Variants in WWOX observed in about 807,000 individuals in gnomAD.
WWOX encodes WW domain-containing oxidoreductase.
A neutral mutation model predicts 46.2 loss-of-function variants in WWOX; 69 were observed. The observed-to-expected ratio is 1.49, with a 90% CI of 1.23 to 1.82. The LOEUF (loss-of-function observed/expected upper bound fraction) is 1.82. Ranked by LOEUF, WWOX falls within the 40% of genes most tolerant of loss-of-function variation. WWOX has a pLI of 0.00. For missense variants in WWOX, 919 were observed against 542.6 expected (o/e 1.69, Z -6.89); for synonymous variants, 359 against 202.6 (o/e 1.77, Z -6.56).
chr16:78,222,099 G>A (rs1412170822), intron 5 of WWOX, among the ~76,000 whole-genome samples: 2 of 152,128 alleles, frequency 1.3e-5, no homozygotes, highest in African/African-American at 4.8e-5. Context: ...GGTATATGGA[G>A]GATGTTTGAA....
chr16:78,869,133 G>A (rs1187837747), intron 8 of WWOX, among the ~76,000 whole-genome samples: 3 of 152,148 alleles, frequency 2.0e-5, no homozygotes, highest in Admixed American at 1.3e-4. Flanking sequence ...AAATACACTA[G>A]TATATGTAAT....
intron 8 of WWOX, among the ~76,000 whole-genome samples, chr16:78,975,421 T>A (rs1490506351): frequency 6.6e-6 from 1 of 151,560 alleles, no homozygotes; most frequent in African/African-American, 2.4e-5. Context: ...AAAATAACAC[T>A]GGAGGTAAGA....
At chr16:78,452,875 A>G (rs531381913) in intron 8 of WWOX, among the ~76,000 whole-genome samples, 1 of 149,540 alleles carries the variant, frequency 6.7e-6, no homozygotes, top group Admixed American at 6.6e-5. Context: ...ATTTATATAT[A>G]TATATACATA....
intron 8 of WWOX, among the ~76,000 whole-genome samples, chr16:78,447,196 A>T (rs897268285): frequency 6.6e-6 from 1 of 152,142 alleles, no homozygotes; most frequent in African/African-American, 2.4e-5. Context: ...TTTGGAACGG[A>T]CCCTGGACAG....
At chr16:78,587,322 T>G (rs1343213979) in intron 8 of WWOX, among the ~76,000 whole-genome samples, 1 of 151,404 alleles carries the variant, frequency 6.6e-6, no homozygotes, top group Non-Finnish European at 1.5e-5. Flanking sequence ...TGTGAGCCAC[T>G]GCGTGAGGCC....
intron 8 of WWOX, among the ~76,000 whole-genome samples, chr16:79,054,787 C>G (rs1163914331): frequency 6.6e-6 from 1 of 152,128 alleles, no homozygotes; most frequent in Non-Finnish European, 1.5e-5. Context: ...GATCACACCA[C>G]CGCACTCCAG....
chr16:79,182,471 ACT>A (rs932169686), intron 8 of WWOX, among the ~76,000 whole-genome samples: 13 of 151,908 alleles, frequency 8.6e-5, no homozygotes, highest in African/African-American at 3.1e-4. Flanking sequence ...TGGTGTAAGA[ACT>A]CTCTGAGAAT....
At chr16:78,537,177 A>G (rs981166020) in intron 8 of WWOX, among the ~76,000 whole-genome samples, 2 of 152,082 alleles carry the variant, frequency 1.3e-5, no homozygotes, top group African/African-American at 4.8e-5. Flanking sequence ...TCAGCCTCCC[A>G]AAGTGCTGGG....
Position 78,669,145 on chromosome 16 carries a change from A to C in WWOX, c.1056+236393A>C, listed in dbSNP as rs114161454. 3.2e-3 allele frequency among the ~76,000 whole-genome samples: 485 copies of C among 152,240 alleles called. 3 individuals are homozygous for C. Among genetic ancestry groups the C allele is most frequent in the African/African-American group, 0.011 (459 of 41,550 alleles). ...CTGTGGCCCCATCTCCACCACAAGG[A>C]AGCTGGAGAAGGGACCCCAGAACCG... On this transcript the variant is annotated intron_variant, in intron 8 of 8. Coordinates refer to ENST00000566780, the MANE Select transcript of WWOX (RefSeq NM_016373.4).
intron 8 of WWOX, among the ~76,000 whole-genome samples, chr16:79,067,639 G>T (rs1329704782): frequency 1.7e-5 from 2 of 119,850 alleles, no homozygotes; most frequent in African/African-American, 3.8e-5. Flanking sequence ...GTGGGGGGCG[G>T]GGGGGGGCAC....
intron 8 of WWOX, among the ~76,000 whole-genome samples, chr16:78,885,791 C>T (rs1238937293): frequency 1.3e-5 from 2 of 152,146 alleles, no homozygotes; most frequent in East Asian, 3.9e-4. Flanking sequence ...GGATCGGATT[C>T]TTCCCCCTTC....
intron 6 of WWOX, among the ~76,000 whole-genome samples, chr16:78,392,315 G>A (rs1018245628): frequency 6.6e-6 from 1 of 152,062 alleles, no homozygotes; most frequent in Non-Finnish European, 1.5e-5. Context: ...TGCTCCTTAC[G>A]AAAATCTAAT....
intron 6 of WWOX, among the ~76,000 whole-genome samples, chr16:78,393,309 A>T (rs991309337): frequency 6.6e-6 from 1 of 152,192 alleles, no homozygotes; most frequent in African/African-American, 2.4e-5. Context: ...AACAGGGCCT[A>T]GAAGAGTTAA....
chr16:78,599,832 T>A (rs2045578914), intron 8 of WWOX, among the ~76,000 whole-genome samples: 1 of 152,116 alleles, frequency 6.6e-6, no homozygotes, highest in African/African-American at 2.4e-5. Context: ...TTGGGTGTGG[T>A]GTCCATGTTG....
intron 7 of WWOX, among the ~76,000 whole-genome samples, chr16:78,430,860 G>T (rs887299363): frequency 2.0e-5 from 3 of 152,132 alleles, no homozygotes; most frequent in African/African-American, 7.2e-5. Flanking sequence ...ATTTCATTCT[G>T]CCCTTGCCAT....
chr16:78,415,035 A>G (rs2082767174), intron 6 of WWOX, among the ~76,000 whole-genome samples: 1 of 150,392 alleles, frequency 6.6e-6, no homozygotes, highest in African/African-American at 2.4e-5. Flanking sequence ...TGGACTAAGG[A>G]TATTTATAGT....
chr16:78,147,468 C>T (rs2034238159), intron 4 of WWOX, among the ~76,000 whole-genome samples: 1 of 151,924 alleles, frequency 6.6e-6, no homozygotes, highest in African/African-American at 2.4e-5. Context: ...AAGTTACTAG[C>T]GATGGAGAAT....
Position 78,585,486 on chromosome 16 carries a change from A to G in WWOX, c.1056+152734A>G, listed in dbSNP as rs897383946. 3.9e-5 allele frequency among the ~76,000 whole-genome samples: 6 copies of G among 152,200 alleles called. No homozygotes were observed. The East Asian group carries it at 1.2e-3, about 30-fold the overall frequency. On this transcript the variant is annotated intron_variant, in intron 8 of 8. Coordinates refer to ENST00000566780, the MANE Select transcript of WWOX (RefSeq NM_016373.4). ...CCCCCAACTCAACTTTCACTGGCCA[A>G]AGTACTTGGGGTTAATTTAGCAAAC...
At chr16:78,762,986 C>T (rs577745579) in intron 8 of WWOX, among the ~76,000 whole-genome samples, 2 of 152,110 alleles carry the variant, frequency 1.3e-5, no homozygotes, top group Non-Finnish European at 2.9e-5. Context: ...GGTGGGGGGA[C>T]CAGATGAGCA....
Sources: gnomAD v4.1 joint callset for allele counts (sites outside exome capture counted in the v4.1 genomes callset) on GRCh38, gnomAD v4.1.1 for gene constraint, MANE v1.5 for transcripts, NCBI Gene and HGNC (gene_info 2026-07-23, HGNC 2026-07-21) for gene names.